The following KCNN2 variants were observed in gnomAD, a reference collection of about 807,000 sequenced individuals.
KCNN2 encodes potassium calcium-activated channel subfamily N member 2.
In KCNN2, 24 loss-of-function variants were observed where a neutral mutation model predicts 55.5. The ratio of observed to expected loss-of-function variants is 0.43; its 90% CI spans 0.31 to 0.61. The LOEUF (loss-of-function observed/expected upper bound fraction) is 0.61, where lower values mean the gene tolerates loss of function less well. Ranked by LOEUF, KCNN2 falls within the 20% of genes least tolerant of loss-of-function variation. The probability of loss-of-function intolerance (pLI) is 0.08; values close to 1 mark genes in which losing one functional copy is unlikely to be tolerated. For synonymous variants in KCNN2, 431 were observed against 336.1 expected (o/e 1.28, Z -3.09); for missense variants, 754 against 853.6 (o/e 0.88, Z 1.45).
At chr5:114,230,016 G>A (rs937246417) in intron 2 of KCNN2, among the ~76,000 whole-genome samples, 4 of 152,062 alleles carry the variant, frequency 2.6e-5, no homozygotes, top group Non-Finnish European at 4.4e-5. Context: ...CTGTTAAAAC[G>A]AATAGACCTA....
At chr5:114,456,757 G>T (rs115138190) in intron 3 of KCNN2, among the ~76,000 whole-genome samples, 131 of 152,238 alleles carry the variant, frequency 8.6e-4, no homozygotes, top group South Asian at 6.0e-3. Context: ...AACTTGAAAG[G>T]ATTCAAATTT....
intron 2 of KCNN2, among the ~76,000 whole-genome samples, chr5:114,246,069 C>A (rs1296461602): frequency 6.6e-6 from 1 of 152,156 alleles, no homozygotes; most frequent in Admixed American, 6.5e-5. Context: ...AGTACCATGA[C>A]TTTGATCTCT....
chr5:114,320,350 A>G (rs1269169267), intron 2 of KCNN2, among the ~76,000 whole-genome samples: 1 of 151,980 alleles, frequency 6.6e-6, no homozygotes, highest in Non-Finnish European at 1.5e-5. Context: ...GCTGTGCCTC[A>G]CGCCTGTAAT....
chr5:114,078,736 A>C (rs1309186807), intron 1 of KCNN2, among the ~76,000 whole-genome samples: 1 of 152,156 alleles, frequency 6.6e-6, no homozygotes, highest in Non-Finnish European at 1.5e-5. Flanking sequence ...TGTTATGGAT[A>C]AGATGTAGGT....
intron 1 of KCNN2, among the ~76,000 whole-genome samples, chr5:114,172,242 A>T (rs1753049258): frequency 6.6e-6 from 1 of 151,980 alleles, no homozygotes; most frequent in Non-Finnish European, 1.5e-5. Flanking sequence ...TTTGGTGCTT[A>T]TTATGGGCAA....
chr5:114,274,820 C>G (rs761158352), intron 2 of KCNN2, among the ~76,000 whole-genome samples: 15 of 152,058 alleles, frequency 9.9e-5, no homozygotes, highest in Non-Finnish European at 1.6e-4. Context: ...ATTTGAATAC[C>G]CTTTATTGCT....
At chr5:114,179,508 A>G in intron 1 of KCNN2, among the ~76,000 whole-genome samples, 1 of 152,230 alleles carries the variant, frequency 6.6e-6, no homozygotes, top group Non-Finnish European at 1.5e-5. Flanking sequence ...AGGGTCAAGA[A>G]CAAGCCTAAG....
chr5:114,088,986 T>A (rs1751079903), intron 1 of KCNN2, among the ~76,000 whole-genome samples: 2 of 152,250 alleles, frequency 1.3e-5, no homozygotes, highest in Admixed American at 6.5e-5. Context: ...CTGAGTTTTT[T>A]AAATGTAATT....
chr5:114,446,603 A>G (rs564094622), intron 3 of KCNN2, among the ~76,000 whole-genome samples: 1 of 151,984 alleles, frequency 6.6e-6, no homozygotes, highest in Admixed American at 6.6e-5. Flanking sequence ...AATTACAGGC[A>G]TGCACCTCTG....
intron 1 of KCNN2, among the ~76,000 whole-genome samples, chr5:114,179,550 A>G (rs1437791996): frequency 6.6e-6 from 1 of 152,166 alleles, no homozygotes; most frequent in East Asian, 1.9e-4. Flanking sequence ...TAAAGAGCCC[A>G]TGCTCCTTTC....
At position 114,404,548 on chromosome 5, in the gene KCNN2, G is replaced by A; in HGVS notation, c.1329G>A (p.Gly443=). ...TGTGTGCTATTCATCCCATACCTGGGAATTATACATTCACATGGACGGCCC... is the reference window on the plus strand; with the variant it reads ...TGTGTGCTATTCATCCCATACCTGGAAATTATACATTCACATGGACGGCCC... The part of the protein sequence containing the change: ...ILVCAIHPIP[G]NYTFTWTARL... Residue 443 remains glycine (G), a synonymous_variant, in exon 3 of 8, where the codon GGG becomes GGA. Transcript: ENST00000673685. 1.2e-6 allele frequency: 2 copies of A among 1,613,684 alleles called. No homozygotes were observed. Among genetic ancestry groups the A allele is most frequent in the South Asian group, 1.1e-5 (1 of 91,078 alleles).
intron 1 of KCNN2, among the ~76,000 whole-genome samples, chr5:114,087,308 T>C (rs1159976272): frequency 2.0e-5 from 3 of 152,176 alleles, no homozygotes; most frequent in Non-Finnish European, 4.4e-5. Flanking sequence ...ATTTTTGTTT[T>C]TGTTGCAGTT....
At chr5:114,082,266 G>A (rs1474329315) in intron 1 of KCNN2, among the ~76,000 whole-genome samples, 3 of 151,736 alleles carry the variant, frequency 2.0e-5, no homozygotes, top group Admixed American at 1.3e-4. Flanking sequence ...CAAGGCCACA[G>A]TGAGCTTTGA....
intron 2 of KCNN2, among the ~76,000 whole-genome samples, chr5:114,256,128 T>G (rs1191362137): frequency 6.6e-6 from 1 of 152,170 alleles, no homozygotes; most frequent in Non-Finnish European, 1.5e-5. Context: ...AGTATTTTAC[T>G]TAAGATAATC....
intron 3 of KCNN2, among the ~76,000 whole-genome samples, chr5:114,408,996 A>C (rs1759034248): frequency 6.6e-6 from 1 of 152,166 alleles, no homozygotes; most frequent in Admixed American, 6.5e-5. Flanking sequence ...GCAGGTACAT[A>C]AAGGAAACAA....
chr5:114,429,107 A>G (rs569028281), intron 3 of KCNN2, among the ~76,000 whole-genome samples: 24 of 152,114 alleles, frequency 1.6e-4, no homozygotes, highest in Non-Finnish European at 2.8e-4. Flanking sequence ...GATGGATCAT[A>G]TGGAAAGAAT....
intron 6 of KCNN2, among the ~76,000 whole-genome samples, chr5:114,489,224 G>A (rs1580925827): frequency 6.6e-6 from 1 of 152,084 alleles, no homozygotes; most frequent in Admixed American, 6.6e-5. Context: ...AAAGCCTGGG[G>A]GAGAATTTAG....
At chr5:114,251,082 T>C (rs772767718) in intron 2 of KCNN2, among the ~76,000 whole-genome samples, 1 of 152,218 alleles carries the variant, frequency 6.6e-6, no homozygotes, top group African/African-American at 2.4e-5. Context: ...ATCCTGGTAA[T>C]GCGGTACATT....
chr5:114,263,933 G>T (rs1446123259), intron 2 of KCNN2, among the ~76,000 whole-genome samples: 1 of 152,112 alleles, frequency 6.6e-6, no homozygotes, highest in Non-Finnish European at 1.5e-5. Context: ...TATTCATCCT[G>T]AGCTGACCCA....
Sources: allele counts gnomAD v4.1 joint callset (sites outside exome capture counted in the v4.1 genomes callset), GRCh38; gene constraint gnomAD v4.1.1; transcripts MANE v1.5; gene names NCBI Gene and HGNC (gene_info 2026-07-23, HGNC 2026-07-21).